Variants in SREK1 observed in about 807,000 individuals in gnomAD.
SREK1 encodes splicing regulatory glutamic acid and lysine rich protein 1, also known as splicing regulatory glutamine/lysine-rich protein 1.
SREK1 carries 13 observed loss-of-function variants against 66.5 expected under a neutral mutation model. That is an observed-to-expected ratio of 0.20 (90% CI 0.13 to 0.31). The LOEUF is 0.31. Among genes scored for constraint, SREK1 ranks in the 10% least tolerant of loss-of-function variants. SREK1 has a pLI of 1.00. For missense variants in SREK1, 607 were observed against 769.6 expected, an observed-to-expected ratio of 0.79 and a Z score of 2.50; for synonymous variants, 265 against 263.5, an observed-to-expected ratio of 1.01 and a Z score of -0.05.
At position 66,144,358 on chromosome 5, in the gene SREK1, C is replaced by G. The variant is rs757952774; in HGVS notation, c.-19C>G. On this transcript the variant is annotated 5_prime_UTR_variant, in exon 1 of 12. Transcript: ENST00000334121. ...TCGTAGACGTTGGGGAGCGGGAAGG[C>G]AACGGCAGCGGGATCGGGATGAACA... is the stretch of plus-strand genomic sequence containing the variant. 55 of 1,524,130 alleles carry G rather than the reference C, an allele frequency of 3.6e-5. No individual in the cohort carries two copies. In the African/African-American group the frequency reaches 6.1e-4, roughly 17 times the overall value. The allele number at this position is 1,524,130 out of a possible 1,614,324, so 94.4% of individuals were successfully genotyped here. A position where few individuals can be genotyped will look rare whatever the true frequency, so the allele number is the denominator to read the frequency against.
At chr5:66,148,672 G>A (rs1743483308) in intron 1 of SREK1, among the ~76,000 whole-genome samples, 1 of 152,146 alleles carries the variant, frequency 6.6e-6, no homozygotes, top group South Asian at 2.1e-4. Context: ...ATGTTGCGCA[G>A]GCTGGACTCA....
rs1235011162 is a variant in SREK1 at position 66,175,046 on chromosome 5, G to T, written c.1580+5G>T. The T allele has an allele frequency of 6.2e-7, 1 of 1,607,518 alleles. No homozygotes were observed. The highest frequency in any genetic ancestry group is 1.3e-5 in the African/African-American group (1 of 74,728). On this transcript the variant is annotated splice_donor_5th_base_variant and intron_variant, in intron 10 of 11. Transcript: ENST00000334121. ...TAGATCTCCGTCCCCCAGGAGGTAG[G>T]TTGGGAGCTTGTGCTAAAACTAAAC...
intron 5 of SREK1, chr5:66,163,526 G>C: frequency 3.6e-6 from 1 of 274,682 alleles, no homozygotes; most frequent in East Asian, 7.0e-5. Context: ...CTATGGAAAA[G>C]CACTTCATCT....
intron 1 of SREK1, among the ~76,000 whole-genome samples, chr5:66,152,186 C>G (rs1743905562): frequency 6.6e-6 from 1 of 152,112 alleles, no homozygotes; most frequent in Non-Finnish European, 1.5e-5. Flanking sequence ...ATTAGCCTTA[C>G]TAATTGTGTT....
At chr5:66,164,564 C>G in intron 6 of SREK1, 1 of 1,484,630 alleles carries the variant, frequency 6.7e-7, no homozygotes, top group Non-Finnish European at 9.0e-7. Flanking sequence ...CAAAATATTA[C>G]GAACAGCTGT....
intron 11 of SREK1, among the ~76,000 whole-genome samples, chr5:66,178,323 C>T (rs1457587361): frequency 6.6e-6 from 1 of 151,978 alleles, no homozygotes; most frequent in African/African-American, 2.4e-5. Context: ...CTTGAACAGC[C>T]TTTTCCAGGA....
intron 6 of SREK1, chr5:66,164,553 A>G: frequency 6.8e-7 from 1 of 1,469,474 alleles, no homozygotes. Flanking sequence ...TACGGCAGCA[A>G]CAAAATATTA....
In SREK1 at chr5:66,144,335, G is replaced by A; in HGVS notation, c.-42G>A. The A allele has an allele frequency of 4.1e-6, 6 of 1,466,094 alleles. No individual in the cohort carries two copies. Among genetic ancestry groups the A allele is most frequent in the Non-Finnish European group, 4.6e-6 (5 of 1,084,240 alleles). The allele number at this position is 1,466,094 out of a possible 1,614,324, so 90.8% of individuals were successfully genotyped here. A position where few individuals can be genotyped will look rare whatever the true frequency, so the allele number is the denominator to read the frequency against. On this transcript the variant is annotated 5_prime_UTR_variant, in exon 1 of 12. Transcript: ENST00000334121. ...TTCCCGGCTCCGTCGCTGACGCGTC[G>A]TAGACGTTGGGGAGCGGGAAGGCAA...
Position 66,177,648 on chromosome 5 carries a change from C to T in SREK1, c.1715C>T (p.Thr572Ile), listed in dbSNP as rs1746169249. The change falls in exon 11 of 12, where the codon ACT (threonine) becomes ATT (isoleucine). Residue 572 changes from threonine to isoleucine, a missense_variant. Physicochemically the swap from Thr to Ile is moderately conservative, Grantham distance 89 (BLOSUM62 -1). This residue lies in a region of SREK1 where 318 missense variants were observed against 310.3 expected (regional missense o/e 1.02). Coordinates refer to ENST00000334121, the MANE Select transcript of SREK1 (RefSeq NM_001077199.3). ...DGKEKLEKNS[T>I]SLKEKEHNKE... ...AAGGAGAAGTTGGAGAAGAACAGTA[C>T]TTCACTTAAAGTAAGCAGCAGTCAT... is the stretch of plus-strand genomic sequence containing the variant. 6.3e-7 allele frequency: 1 copy of T among 1,595,668 alleles called. No individual in the cohort carries two copies. The highest frequency in any genetic ancestry group is 8.5e-7 in the Non-Finnish European group (1 of 1,174,152).
intron 3 of SREK1, among the ~76,000 whole-genome samples, chr5:66,159,962 C>T (rs1003721557): frequency 2.6e-5 from 4 of 152,094 alleles, no homozygotes; most frequent in Non-Finnish European, 5.9e-5. Context: ...AACCCCGTCT[C>T]CACTAAAAAT....
intron 1 of SREK1, among the ~76,000 whole-genome samples, chr5:66,152,543 C>G (rs757070765): frequency 6.6e-6 from 1 of 152,082 alleles, no homozygotes; most frequent in Non-Finnish European, 1.5e-5. Flanking sequence ...AGTTTTCTTT[C>G]CTGTTTTGTA....
At position 66,170,842 on chromosome 5, in the gene SREK1, A is replaced by G; in HGVS notation, c.1379A>G (p.Glu460Gly). 1 of 1,613,994 alleles carries G rather than the reference A, an allele frequency of 6.2e-7. No individual in the cohort carries two copies. Among genetic ancestry groups the G allele is most frequent in the Non-Finnish European group, 8.5e-7 (1 of 1,179,972 alleles). ...EKEQDKEKER[E>G]KDRSKEIDEK... ...GAACAGGACAAAGAAAAGGAACGAG[A>G]AAAAGACAGATCCAAAGAGATAGAT... is the stretch of plus-strand genomic sequence containing the variant. The change falls in exon 9 of 12, where the codon GAA becomes GGA. Residue 460 changes from glutamate (E) to glycine (G), a missense_variant. Glu to Gly is a moderately conservative substitution (Grantham distance 98). This residue lies in a region of SREK1 where 318 missense variants were observed against 310.3 expected (regional missense o/e 1.02). Transcript: ENST00000334121.
Position 66,180,290 on chromosome 5 carries a change from T to C in SREK1, c.*1422T>C, listed in dbSNP as rs2112126820. The C allele has an allele frequency of 6.5e-6, 1 of 152,702 alleles. No individual in the cohort carries two copies. The highest frequency in any genetic ancestry group is 1.9e-4 in the East Asian group (1 of 5,192). The allele number at this position is 152,702 out of a possible 1,614,324, so 9.5% of individuals were successfully genotyped here. ...TAACTTGTGGTTTCTGAACTCATTA[T>C]TGTTGTATTTCCAAAAAAGTAATAC... On this transcript the variant is annotated 3_prime_UTR_variant, in exon 12 of 12. Coordinates refer to ENST00000334121, the MANE Select transcript of SREK1 (RefSeq NM_001077199.3).
At chr5:66,165,011 C>T in intron 7 of SREK1, 114 bp downstream of exon 7, 1 of 963,812 alleles carries the variant, frequency 1.0e-6, no homozygotes, top group Non-Finnish European at 1.5e-6. Context: ...TAGTGTACAC[C>T]TGAAGTGTGG....
intron 2 of SREK1, 46 bp from the exon 3 acceptor site, chr5:66,159,173 G>T: frequency 2.5e-6 from 4 of 1,577,378 alleles, no homozygotes; most frequent in South Asian, 1.2e-5. Context: ...TGTAAAGTTT[G>T]TGTGGTGTTT....
Position 66,171,099 on chromosome 5 carries a change from C to T in SREK1, c.1484+152C>T, listed in dbSNP as rs112778865. The T allele has an allele frequency of 4.2e-5, 40 of 961,766 alleles. 1 individual carries two copies. The African/African-American group carries it at 4.3e-4, about 10-fold the overall frequency. The allele number at this position is 961,766 out of a possible 1,614,324, so 59.6% of individuals were successfully genotyped here. ...TCCTAATTTCAGAGTAAACATTTCT[C>T]TAGCAGAGTGGGGAAAGAGATGATA... On this transcript the variant is annotated intron_variant, in intron 9 of 11. Coordinates refer to ENST00000334121, the MANE Select transcript of SREK1 (RefSeq NM_001077199.3).
chr5:66,164,036 C>T (rs1744972105), intron 6 of SREK1, 114 bp downstream of exon 6: 1 of 1,297,372 alleles, frequency 7.7e-7, no homozygotes, highest in Admixed American at 2.4e-5. Flanking sequence ...AACAAGAAGA[C>T]TGAAACTCAA....
intron 2 of SREK1, among the ~76,000 whole-genome samples, chr5:66,155,789 G>A (rs2111981906): frequency 6.6e-6 from 1 of 152,314 alleles, no homozygotes; most frequent in South Asian, 2.1e-4. Flanking sequence ...ACAGTTTCAT[G>A]CATATTAAGC....
chr5:66,170,960 T>G lies in SREK1; in HGVS notation c.1484+13T>G. On this transcript the variant is annotated intron_variant, in intron 9 of 11. Coordinates refer to ENST00000334121, the MANE Select transcript of SREK1 (RefSeq NM_001077199.3). ...GTAGTTCCAGCAGGTTTGATAATGC[T>G]TAAAATTTTTACAAAGGGATTTGCT... 1 of 1,575,966 alleles carries G rather than the reference T, an allele frequency of 6.3e-7. No individual in the cohort carries two copies. Among genetic ancestry groups the G allele is most frequent in the Non-Finnish European group, 8.6e-7 (1 of 1,167,044 alleles).
Sources: allele counts gnomAD v4.1 joint callset (sites outside exome capture counted in the v4.1 genomes callset), GRCh38; gene constraint gnomAD v4.1.1; regional missense constraint gnomAD v4.1.1; transcripts MANE v1.5; gene names NCBI Gene and HGNC (gene_info 2026-07-23, HGNC 2026-07-21).